WWOX: variants seen among roughly 807,000 people sequenced by gnomAD.
WWOX encodes WW domain-containing oxidoreductase.
WWOX carries 69 observed loss-of-function variants against 46.2 expected under a neutral mutation model. The ratio of observed to expected loss-of-function variants is 1.49; its 90% confidence interval spans 1.23 to 1.82. The LOEUF is 1.82. Ranked by LOEUF, WWOX falls within the 40% of genes most tolerant of loss-of-function variation. The pLI, the probability that WWOX is intolerant of heterozygous loss-of-function variation, is 0.00. For synonymous variants in WWOX, 359 were observed against 202.6 expected, an observed-to-expected ratio of 1.77 and a Z score of -6.56; for missense variants, 919 against 542.6, an observed-to-expected ratio of 1.69 and a Z score of -6.89.
chr16:78,588,509 C>T (rs1049973614), intron 8 of WWOX, among the ~76,000 whole-genome samples: 8 of 152,138 alleles, frequency 5.3e-5, no homozygotes, highest in Non-Finnish European at 8.8e-5. Flanking sequence ...TCACAAGTTT[C>T]TTGTAGCAGG....
At chr16:78,595,085 G>C (rs80181904) in intron 8 of WWOX, among the ~76,000 whole-genome samples, 1 of 152,158 alleles carries the variant, frequency 6.6e-6, no homozygotes, top group Admixed American at 6.5e-5. Flanking sequence ...GCTGCCATGC[G>C]CATGAGGCTG....
At chr16:78,591,156 C>G (rs2045341806) in intron 8 of WWOX, among the ~76,000 whole-genome samples, 1 of 152,122 alleles carries the variant, frequency 6.6e-6, no homozygotes, top group African/African-American at 2.4e-5. Context: ...CCCTTTCTCC[C>G]TTTTTCAAGA....
At chr16:78,755,920 T>C (rs983725260) in intron 8 of WWOX, among the ~76,000 whole-genome samples, 2 of 152,140 alleles carry the variant, frequency 1.3e-5, no homozygotes, top group Admixed American at 6.5e-5. Flanking sequence ...CAGGACGCTA[T>C]GATGAGAAGA....
At chr16:78,819,461 G>A (rs888371783) in intron 8 of WWOX, among the ~76,000 whole-genome samples, 5 of 152,202 alleles carry the variant, frequency 3.3e-5, no homozygotes, top group Non-Finnish European at 5.9e-5. Flanking sequence ...CAACCTGGAA[G>A]TTACCACCCT....
intron 8 of WWOX, among the ~76,000 whole-genome samples, chr16:78,978,308 A>G (rs1341333264): frequency 6.6e-6 from 1 of 152,222 alleles, no homozygotes; most frequent in Non-Finnish European, 1.5e-5. Flanking sequence ...GAATAATTGC[A>G]TATGAGTATT....
At chr16:78,478,581 C>G (rs572727253) in intron 8 of WWOX, among the ~76,000 whole-genome samples, 14 of 152,180 alleles carry the variant, frequency 9.2e-5, no homozygotes, top group African/African-American at 2.9e-4. Context: ...TGTTGCACCC[C>G]CCACCCCAAG....
intron 8 of WWOX, among the ~76,000 whole-genome samples, chr16:78,448,849 G>T (rs1372356702): frequency 6.6e-6 from 1 of 152,104 alleles, no homozygotes; most frequent in East Asian, 1.9e-4. Context: ...ATTGTCAACT[G>T]TCTTGGCGCT....
At chr16:78,977,607 A>C (rs1020411450) in intron 8 of WWOX, among the ~76,000 whole-genome samples, 1 of 152,130 alleles carries the variant, frequency 6.6e-6, no homozygotes, top group African/African-American at 2.4e-5. Flanking sequence ...ACAAAAATGA[A>C]AGGGGAGAGG....
chr16:78,205,775 C>T (rs2036370044), intron 5 of WWOX, among the ~76,000 whole-genome samples: 2 of 152,052 alleles, frequency 1.3e-5, no homozygotes, highest in Non-Finnish European at 2.9e-5. Flanking sequence ...ACCCCACCCA[C>T]CTATCCTTCA....
chr16:78,579,215 A>T (rs2044983962), intron 8 of WWOX, among the ~76,000 whole-genome samples: 2 of 152,178 alleles, frequency 1.3e-5, no homozygotes. Flanking sequence ...ACTACCAGGG[A>T]TGAAAAGGCA....
At chr16:78,834,059 A>G (rs1276972063) in intron 8 of WWOX, among the ~76,000 whole-genome samples, 2 of 152,236 alleles carry the variant, frequency 1.3e-5, no homozygotes, top group African/African-American at 4.8e-5. Context: ...AAATCAGAAC[A>G]CTGCTCACAC....
intron 8 of WWOX, among the ~76,000 whole-genome samples, chr16:79,127,269 C>G (rs546255755): frequency 6.6e-6 from 1 of 152,050 alleles, no homozygotes; most frequent in South Asian, 2.1e-4. Context: ...CACCTAATTC[C>G]TCTTCTGAAC....
chr16:79,102,799 C>T (rs896287455), intron 8 of WWOX, among the ~76,000 whole-genome samples: 1 of 152,184 alleles, frequency 6.6e-6, no homozygotes, highest in African/African-American at 2.4e-5. Flanking sequence ...TTCTAGCTCA[C>T]TCCTGCCAAA....
intron 8 of WWOX, among the ~76,000 whole-genome samples, chr16:78,943,004 C>G (rs1016841008): frequency 2.6e-5 from 4 of 152,158 alleles, no homozygotes; most frequent in African/African-American, 7.2e-5. Flanking sequence ...TGAATGAAAG[C>G]CTGCCTTTCT....
At chr16:78,946,476 C>G (rs1409237807) in intron 8 of WWOX, among the ~76,000 whole-genome samples, 1 of 152,156 alleles carries the variant, frequency 6.6e-6, no homozygotes, top group Non-Finnish European at 1.5e-5. Context: ...AAGGTGTGAG[C>G]CACCGTGCCT....
At chr16:78,662,899 A>G (rs2047250200) in intron 8 of WWOX, among the ~76,000 whole-genome samples, 1 of 152,154 alleles carries the variant, frequency 6.6e-6, no homozygotes, top group Non-Finnish European at 1.5e-5. Context: ...ACTTTTGTCC[A>G]AGTGAGAAGG....
At chr16:78,716,094 G>T (rs72799082) in intron 8 of WWOX, among the ~76,000 whole-genome samples, 1 of 152,120 alleles carries the variant, frequency 6.6e-6, no homozygotes, top group African/African-American at 2.4e-5. Context: ...CAGTCACATT[G>T]AAATGAGGTC....
At chr16:78,307,866 A>G (rs1384332421) in intron 5 of WWOX, among the ~76,000 whole-genome samples, 1 of 152,176 alleles carries the variant, frequency 6.6e-6, no homozygotes, top group East Asian at 1.9e-4. Flanking sequence ...CTAGCATGTT[A>G]AAGACTGTAC....
chr16:78,600,875 G>T (rs185522510), intron 8 of WWOX, among the ~76,000 whole-genome samples: 1 of 152,116 alleles, frequency 6.6e-6, no homozygotes, highest in African/African-American at 2.4e-5. Context: ...TCTGCCTATC[G>T]TGACAGGGAG....
Sources: gnomAD v4.1 joint callset for allele counts (sites outside exome capture counted in the v4.1 genomes callset) on GRCh38, gnomAD v4.1.1 for gene constraint, MANE v1.5 for transcripts, NCBI Gene and HGNC (gene_info 2026-07-23, HGNC 2026-07-21) for gene names.